Variants in QRFPR observed in about 807,000 individuals in gnomAD.
QRFPR encodes pyroglutamylated RFamide peptide receptor, also known as pyroglutamylated RF-amide peptide receptor.
A neutral mutation model predicts 31.3 loss-of-function variants in QRFPR; 37 were observed. That is an observed-to-expected ratio of 1.18 (90% CI 0.91 to 1.56). The LOEUF (loss-of-function observed/expected upper bound fraction) is 1.56, where lower values mean the gene tolerates loss of function less well. Among genes scored for constraint, QRFPR ranks in the 40% most tolerant of loss-of-function variants. The probability of loss-of-function intolerance (pLI) is 0.00; values close to 1 mark genes in which losing one functional copy is unlikely to be tolerated. For synonymous variants in QRFPR, 197 were observed against 192.0 expected (o/e 1.03, Z -0.22); for missense variants, 542 against 532.5 (o/e 1.02, Z -0.18).
chr4:121,358,495 T>C (rs1288450436), intron 1 of QRFPR, among the ~76,000 whole-genome samples: 2 of 152,210 alleles, frequency 1.3e-5, no homozygotes, highest in African/African-American at 4.8e-5. Flanking sequence ...CTGAAAAGAA[T>C]TCCAACTTCC....
intron 1 of QRFPR, among the ~76,000 whole-genome samples, chr4:121,363,163 A>G (rs576414581): frequency 6.7e-6 from 1 of 149,966 alleles, no homozygotes; most frequent in East Asian, 2.0e-4. Flanking sequence ...CGTCTCTACT[A>G]AAGATACAAA....
intron 1 of QRFPR, among the ~76,000 whole-genome samples, chr4:121,352,902 T>G (rs1411780854): frequency 1.3e-5 from 2 of 152,062 alleles, no homozygotes; most frequent in East Asian, 3.9e-4. Context: ...TAACTATCAT[T>G]CTACTCTATC....
rs1560743428 is a variant in QRFPR, at chr4:121,365,515, T to TAAA, written c.340+14792_340+14793insTTT. Among the ~76,000 whole-genome samples the TAAA allele has an allele frequency of 7.1e-3, 29 of 4,100 alleles. 4 individuals are homozygous for TAAA. Among genetic ancestry groups the TAAA allele is most frequent in the East Asian group, 0.059 (2 of 34 alleles). The allele number at this position is 4,100 out of a possible 152,430, so 2.7% of individuals were successfully genotyped here. The stretch of plus-strand genomic sequence containing the variant: ...TTATATATATAATATATATAATATA[T>TAAA]ATTATATATATTATATATAATATAT... On this transcript the variant is annotated intron_variant, in intron 1 of 5. Coordinates refer to ENST00000394427, the MANE Select transcript of QRFPR (RefSeq NM_198179.3).
intron 1 of QRFPR, among the ~76,000 whole-genome samples, chr4:121,365,462 T>C (rs1368590019): frequency 1.5e-4 from 5 of 34,230 alleles, no homozygotes; most frequent in Non-Finnish European, 2.3e-4. Context: ...TCAAAAATAA[T>C]AATAAATAAA....
At chr4:121,348,355 T>A (rs918575574) in intron 1 of QRFPR, among the ~76,000 whole-genome samples, 1 of 152,174 alleles carries the variant, frequency 6.6e-6, no homozygotes, top group Non-Finnish European at 1.5e-5. Context: ...ATTTTTACTA[T>A]TACATATCAA....
intron 1 of QRFPR, chr4:121,369,467 G>A (rs2110483493): frequency 9.4e-7 from 1 of 1,069,184 alleles, no homozygotes; most frequent in Non-Finnish European, 1.4e-6. Context: ...CAAGTCACGG[G>A]GTTTGAGATT....
At chr4:121,365,336 C>T (rs1163023240) in intron 1 of QRFPR, among the ~76,000 whole-genome samples, 1 of 141,978 alleles carries the variant, frequency 7.0e-6, no homozygotes, top group Non-Finnish European at 1.5e-5. Flanking sequence ...CGCCTGTAGT[C>T]CCAGCTACTC....
intron 1 of QRFPR, among the ~76,000 whole-genome samples, chr4:121,378,523 C>T (rs1414218266): frequency 1.3e-5 from 2 of 151,388 alleles, no homozygotes; most frequent in Non-Finnish European, 2.9e-5. Context: ...AGCCAAGTCT[C>T]CTGCCTCAAC....
At chr4:121,344,932 C>T (rs907870385) in intron 1 of QRFPR, among the ~76,000 whole-genome samples, 6 of 152,156 alleles carry the variant, frequency 3.9e-5, no homozygotes, top group African/African-American at 1.2e-4. Flanking sequence ...TGGGATAATC[C>T]TACATTCCCT....
At chr4:121,355,115 G>T (rs1417849840) in intron 1 of QRFPR, among the ~76,000 whole-genome samples, 2 of 151,936 alleles carry the variant, frequency 1.3e-5, no homozygotes, top group South Asian at 2.1e-4. Context: ...CTTCCGCTTT[G>T]ATTTTTTTGT....
intron 1 of QRFPR, among the ~76,000 whole-genome samples, chr4:121,371,604 A>G (rs998064589): frequency 7.9e-5 from 12 of 152,068 alleles, no homozygotes; most frequent in Admixed American, 6.6e-4. Flanking sequence ...GCCACTCAGA[A>G]CTCTGGTTCA....
chr4:121,372,515 C>G (rs1726267997), intron 1 of QRFPR, among the ~76,000 whole-genome samples: 1 of 152,174 alleles, frequency 6.6e-6, no homozygotes, highest in South Asian at 2.1e-4. Context: ...ATGAACACCA[C>G]TATCTGTTTC....
At chr4:121,363,898 AAG>A (rs1461688085) in intron 1 of QRFPR, among the ~76,000 whole-genome samples, 1 of 146,906 alleles carries the variant, frequency 6.8e-6, no homozygotes, top group Non-Finnish European at 1.5e-5. Context: ...TTGAAGGAGA[AAG>A]AGAGAGAGGC....
intron 1 of QRFPR, among the ~76,000 whole-genome samples, chr4:121,365,368 G>A (rs1726071521): frequency 7.1e-6 from 1 of 140,156 alleles, no homozygotes. Context: ...GCAGGAGAAT[G>A]GTGTGAACCT....
intron 1 of QRFPR, among the ~76,000 whole-genome samples, chr4:121,357,998 A>G (rs1172092580): frequency 1.3e-5 from 2 of 152,198 alleles, no homozygotes; most frequent in African/African-American, 4.8e-5. Flanking sequence ...TGCAACATAT[A>G]TACTCTCCCA....
chr4:121,335,584 GT>G (rs1302793368), intron 3 of QRFPR, among the ~76,000 whole-genome samples: 35,833 of 82,016 alleles, frequency 0.44, 7,139 homozygotes, highest in East Asian at 0.72. Flanking sequence ...GGGGTGGGGG[GT>G]GGGGCGGGGA....
At position 121,329,093 on chromosome 4, in the gene QRFPR, GGGAA is replaced by G; in HGVS notation, c.*217_*220del. The G allele has an allele frequency of 2.3e-5, 10 of 426,662 alleles. No individual in the cohort carries two copies. Among genetic ancestry groups the G allele is most frequent in the South Asian group, 1.1e-4 (2 of 18,784 alleles). 26.4% of individuals were successfully genotyped at this position (426,662 alleles called of 1,614,324 possible). On this transcript the variant is annotated 3_prime_UTR_variant, in exon 6 of 6. Coordinates refer to ENST00000394427, the MANE Select transcript of QRFPR (RefSeq NM_198179.3). The stretch of plus-strand genomic sequence containing the variant: ...TTTAAGGCTAGTCAAGTGAAGCAGT[GGGAA>G]TGAGAAGGAACACAGAAATCTGTTA...
Position 121,348,078 on chromosome 4 carries a change from C to T in QRFPR, c.341-7468G>A, listed in dbSNP as rs144800772. 4.8e-3 allele frequency among the ~76,000 whole-genome samples: 726 copies of T among 152,022 alleles called. 4 individuals are homozygous for T. The highest frequency in any genetic ancestry group is 0.017 in the African/African-American group (689 of 41,452). On this transcript the variant is annotated intron_variant, in intron 1 of 5. Coordinates refer to ENST00000394427, the MANE Select transcript of QRFPR (RefSeq NM_198179.3). ...GGAAGAAGAAGATATATCTTCTTCA[C>T]CACAGTATAGTAGTTTAGAGTATAG...
intron 3 of QRFPR, chr4:121,334,698 C>T: frequency 3.4e-6 from 1 of 298,016 alleles, no homozygotes; most frequent in Non-Finnish European, 6.8e-6. Context: ...GAGGCAGGAG[C>T]AATGACAATT....
Sources: allele counts gnomAD v4.1 joint callset (sites outside exome capture counted in the v4.1 genomes callset), GRCh38; gene constraint gnomAD v4.1.1; transcripts MANE v1.5; gene names NCBI Gene and HGNC (gene_info 2026-07-23, HGNC 2026-07-21).